Variants in PRDM10 observed in about 807,000 individuals in gnomAD.
PRDM10 encodes the protein PR/SET domain 10.
In PRDM10, 65 loss-of-function variants were observed where a neutral mutation model predicts 133.1. The observed-to-expected ratio is 0.49, with a 90% CI of 0.40 to 0.60. The LOEUF is 0.60. PRDM10 is among the 20% of genes least tolerant of loss of function. The probability of loss-of-function intolerance (pLI) is 0.00; values close to 1 mark genes in which losing one functional copy is unlikely to be tolerated. For missense variants in PRDM10, 1,137 were observed against 1,507.1 expected, an observed-to-expected ratio of 0.75 and a Z score of 4.07; for synonymous variants, 582 against 580.4, an observed-to-expected ratio of 1.00 and a Z score of -0.04.
At chr11:129,942,287 T>C in intron 7 of PRDM10, 139 bp downstream of exon 7, 1 of 721,056 alleles carries the variant, frequency 1.4e-6, no homozygotes, top group African/African-American at 1.8e-5. Context: ...AGCTACTCAA[T>C]AAGTATGTGA....
rs762366388 is a variant in PRDM10 at position 129,944,810 on chromosome 11, G to C, written c.723C>G (p.Val241=). The C allele has an allele frequency of 1.9e-6, 3 of 1,613,982 alleles. No individual in the cohort carries two copies. The South Asian group carries it at 3.3e-5, about 18-fold the overall frequency. The change falls in exon 6 of 21, where the codon GTC becomes GTG. Residue 241 remains valine, a synonymous_variant. Coordinates refer to ENST00000360871, the MANE Select transcript of PRDM10 (RefSeq NM_199437.2). ...TQFGPVEGPL[V]RGSELKDCYI... Reference sequence around the variant, plus strand: ...AACAGTCTTTCAGCTCCGAGCCCCTGACGAGAGGCCCCTCCACGGGGCCAA... The same window carrying C: ...AACAGTCTTTCAGCTCCGAGCCCCTCACGAGAGGCCCCTCCACGGGGCCAA...
At chr11:129,970,852 CT>C (rs1952005900) in intron 1 of PRDM10, among the ~76,000 whole-genome samples, 1 of 152,106 alleles carries the variant, frequency 6.6e-6, no homozygotes, top group South Asian at 2.1e-4. Context: ...GACCCCCCTT[CT>C]TTTTTAAGTG....
intron 1 of PRDM10, among the ~76,000 whole-genome samples, chr11:129,989,074 C>T (rs1002588965): frequency 2.0e-5 from 3 of 152,168 alleles, no homozygotes; most frequent in Non-Finnish European, 2.9e-5. Flanking sequence ...AGAATTTAAA[C>T]TTTATTCAAT....
intron 17 of PRDM10, among the ~76,000 whole-genome samples, chr11:129,914,121 C>A (rs1313088343): frequency 2.6e-5 from 4 of 152,142 alleles, no homozygotes; most frequent in African/African-American, 9.7e-5. Context: ...CCTGCCCCAG[C>A]TTCCTGAGTA....
rs748021253 is a variant in PRDM10, at chr11:129,905,718, G to C, written c.3187C>G (p.Leu1063Val). ...GYSSEIQMMT[L>V]PPGQFVITDS... is the part of the protein sequence containing the mutation. ...GTAATCACAAACTGACCCGGAGGAA[G>C]CGTCATCATTTGAATCTCAGATGCT... is the stretch of plus-strand genomic sequence containing the variant. Residue 1063 changes from leucine to valine, a missense_variant, in exon 20 of 21, where the codon CTT (leucine) becomes GTT (valine). Around this residue, in one of 6 missense-constraint regions of PRDM10, gnomAD observed 243 missense variants for 259.2 expected, o/e 0.94. Coordinates refer to ENST00000360871, the MANE Select transcript of PRDM10 (RefSeq NM_199437.2). 8 of 1,614,064 alleles carry C rather than the reference G, an allele frequency of 5.0e-6. No homozygotes were observed. In the East Asian group the frequency reaches 1.6e-4, roughly 31 times the overall value.
intron 9 of PRDM10, 132 bp downstream of exon 9, chr11:129,934,969 G>T: frequency 1.5e-6 from 1 of 662,862 alleles, no homozygotes; most frequent in Non-Finnish European, 2.6e-6. Flanking sequence ...AGGTAACACC[G>T]TTCCCTCAGT....
At chr11:129,974,512 G>A (rs1468869762) in intron 1 of PRDM10, among the ~76,000 whole-genome samples, 1 of 151,956 alleles carries the variant, frequency 6.6e-6, no homozygotes, top group Non-Finnish European at 1.5e-5. Flanking sequence ...TGAGGGGGAG[G>A]GAGAGAAAGA....
Position 129,914,976 on chromosome 11 carries a change from C to A in PRDM10, c.2569G>T (p.Ala857Ser), listed in dbSNP as rs1398258047. ...QHIRKKHPEF[A>S]QLSNTIHTPL... ...GTGTGTATGGTGTTGGAGAGCTGGG[C>A]GAACTCTGGATGCTTCTTTCGAATG... is the stretch of plus-strand genomic sequence containing the variant. Residue 857 changes from alanine to serine, a missense_variant, in exon 17 of 21, where the codon GCC (alanine) becomes TCC (serine). By Grantham distance (99) the Ala-to-Ser change is moderately conservative. Transcript: ENST00000360871. The A allele has an allele frequency of 1.9e-6, 3 of 1,608,638 alleles. No homozygotes were observed. The highest frequency in any genetic ancestry group is 1.1e-5 in the South Asian group (1 of 91,010).
intron 20 of PRDM10, 50 bp from the exon 21 acceptor site, chr11:129,902,566 G>A (rs902749576): frequency 9.5e-6 from 15 of 1,576,936 alleles, no homozygotes; most frequent in Non-Finnish European, 1.2e-5. Flanking sequence ...TTAAAGGGAG[G>A]GTGAAGCTAC....
At chr11:129,984,155 G>T (rs111924000) in intron 1 of PRDM10, among the ~76,000 whole-genome samples, 218 of 152,276 alleles carry the variant, frequency 1.4e-3, no homozygotes, top group African/African-American at 3.9e-3. Context: ...CCCTCAGGCA[G>T]GTATTCCCTC....
At chr11:129,981,525 A>C (rs1938110620) in intron 1 of PRDM10, among the ~76,000 whole-genome samples, 1 of 152,140 alleles carries the variant, frequency 6.6e-6, no homozygotes, top group Admixed American at 6.5e-5. Context: ...TGCTGTGGAC[A>C]CCTTTTCAGA....
chr11:129,926,484 G>T (rs1950682202), intron 11 of PRDM10, among the ~76,000 whole-genome samples: 1 of 152,212 alleles, frequency 6.6e-6, no homozygotes, highest in South Asian at 2.1e-4. Flanking sequence ...GGAGATCTTA[G>T]TGCGATCTTA....
intron 1 of PRDM10, among the ~76,000 whole-genome samples, chr11:129,996,698 T>G (rs969746982): frequency 2.0e-5 from 3 of 152,012 alleles, no homozygotes; most frequent in African/African-American, 7.3e-5. Flanking sequence ...GAAACGAAGG[T>G]GTGACAGCAG....
rs144934307 is a variant in PRDM10, at chr11:129,950,835, T to C, written c.295-3465A>G. Among the ~76,000 whole-genome samples, 68 of 152,332 alleles carry C rather than the reference T, an allele frequency of 4.5e-4. No homozygotes were observed. In the East Asian group the frequency reaches 0.012, roughly 27 times the overall value. Reference sequence around the variant, plus strand: ...CTAGTAAAACCGCGATGTATTTTTTTCCCAACAGATGCTGTCAGAAAGACA... The same window carrying C: ...CTAGTAAAACCGCGATGTATTTTTTCCCCAACAGATGCTGTCAGAAAGACA... On this transcript the variant is annotated intron_variant, in intron 4 of 20. Coordinates refer to ENST00000360871, the MANE Select transcript of PRDM10 (RefSeq NM_199437.2).
intron 17 of PRDM10, among the ~76,000 whole-genome samples, chr11:129,913,972 C>A (rs954089068): frequency 1.3e-5 from 2 of 152,120 alleles, no homozygotes; most frequent in African/African-American, 4.8e-5. Context: ...AGTTATACCT[C>A]TATACTACAA....
At chr11:129,985,112 G>A (rs1314820564) in intron 1 of PRDM10, among the ~76,000 whole-genome samples, 5 of 152,118 alleles carry the variant, frequency 3.3e-5, no homozygotes, top group Non-Finnish European at 5.9e-5. Flanking sequence ...AACCATGACC[G>A]GCCCAGGAGG....
chr11:129,947,605 C>T lies in PRDM10; in HGVS notation c.295-235G>A. 1 of 1,371,474 alleles carries T rather than the reference C, an allele frequency of 7.3e-7. No homozygotes were observed. Among genetic ancestry groups the T allele is most frequent in the Non-Finnish European group, 9.6e-7 (1 of 1,046,620 alleles). 85.0% of individuals were successfully genotyped at this position (1,371,474 alleles called of 1,614,324 possible). A position where few individuals can be genotyped will look rare whatever the true frequency, so the allele number is the denominator to read the frequency against. ...TCTGCCCTCCCTCTGCCCCTTCTGTCCCACACCTGGGAGGGCTGCTAAGAA... is the reference window on the plus strand; with the variant it reads ...TCTGCCCTCCCTCTGCCCCTTCTGTTCCACACCTGGGAGGGCTGCTAAGAA... On this transcript the variant is annotated intron_variant, in intron 4 of 20. Transcript: ENST00000360871. This position sits in a 1 kb window ranked among gnomAD's most constrained non-coding sequence, Gnocchi z 4.6.
At chr11:129,974,819 A>G (rs969216917) in intron 1 of PRDM10, among the ~76,000 whole-genome samples, 1 of 152,270 alleles carries the variant, frequency 6.6e-6, no homozygotes, top group Non-Finnish European at 1.5e-5. Flanking sequence ...GTCTGTACAT[A>G]CAGCGGAATA....
intron 8 of PRDM10, 89 bp downstream of exon 8, chr11:129,937,509 G>GA: frequency 8.1e-7 from 1 of 1,234,656 alleles, no homozygotes; most frequent in Non-Finnish European, 1.1e-6. Context: ...AATATACTGA[G>GA]ACAAAAAAAA....
Sources: gnomAD v4.1 joint callset for allele counts (sites outside exome capture counted in the v4.1 genomes callset) on GRCh38, gnomAD v4.1.1 for gene constraint, gnomAD v4.1.1 regional missense constraint, Gnocchi (gnomAD v3.1) non-coding constraint, MANE v1.5 for transcripts, NCBI Gene and HGNC (gene_info 2026-07-23, HGNC 2026-07-21) for gene names.